PDLIM1: variants seen among roughly 807,000 people sequenced by gnomAD.
PDLIM1 encodes PDZ and LIM domain protein 1.
In PDLIM1, 25 loss-of-function variants were observed where a neutral mutation model predicts 35.2. The observed-to-expected ratio is 0.71, with a 90% CI of 0.52 to 0.99. The LOEUF (loss-of-function observed/expected upper bound fraction) is 0.99, where lower values mean the gene tolerates loss of function less well. PDLIM1 is among the 50% of genes least tolerant of loss of function. PDLIM1 has a pLI of 0.00. For synonymous variants in PDLIM1, 152 were observed against 154.0 expected (o/e 0.99, Z 0.10); for missense variants, 363 against 415.3 (o/e 0.87, Z 1.09).
At chr10:95,241,047 A>G (rs1564596772) in intron 5 of PDLIM1, among the ~76,000 whole-genome samples, 1 of 150,980 alleles carries the variant, frequency 6.6e-6, no homozygotes, top group Non-Finnish European at 1.5e-5. Flanking sequence ...ACCACTGGAC[A>G]AGAGCAAAGA....
chr10:95,287,277 T>G (rs1444087158), intron 1 of PDLIM1, among the ~76,000 whole-genome samples: 1 of 152,208 alleles, frequency 6.6e-6, no homozygotes, highest in Non-Finnish European at 1.5e-5. Flanking sequence ...CTTTTCATAA[T>G]CTGACAGACA....
In PDLIM1 at chr10:95,257,452, A is replaced by C. The variant is rs1005363302; in HGVS notation, c.533+6412T>G. Among the ~76,000 whole-genome samples, 17 of 152,050 alleles carry C rather than the reference A, an allele frequency of 1.1e-4. 1 individual carries two copies. The highest frequency in any genetic ancestry group is 1.1e-3 in the Admixed American group (16 of 15,232). ...TAATATCCAGAATATATAAAAAAAA[A>C]CTCCTACAACTCAACAAAAAACAAA... On this transcript the variant is annotated intron_variant, in intron 4 of 6. Transcript: ENST00000329399.
intron 1 of PDLIM1, among the ~76,000 whole-genome samples, chr10:95,275,192 C>G (rs1415460075): frequency 6.6e-6 from 1 of 152,196 alleles, no homozygotes; most frequent in Non-Finnish European, 1.5e-5. Context: ...GTTTTCCACA[C>G]CCCTGTGATG....
chr10:95,245,212 G>A (rs2035209599), intron 5 of PDLIM1, among the ~76,000 whole-genome samples: 1 of 152,162 alleles, frequency 6.6e-6, no homozygotes, highest in Non-Finnish European at 1.5e-5. Flanking sequence ...CAATAAAATG[G>A]AAGAGTAGTG....
chr10:95,281,846 A>G (rs982208422), intron 1 of PDLIM1, among the ~76,000 whole-genome samples: 3 of 152,178 alleles, frequency 2.0e-5, no homozygotes, highest in Admixed American at 6.5e-5. Context: ...CGTGGGTCCT[A>G]TTTTCCCTTG....
intron 2 of PDLIM1, 39 bp downstream of exon 2, chr10:95,271,594 G>A: frequency 6.4e-7 from 1 of 1,556,224 alleles, no homozygotes; most frequent in Non-Finnish European, 8.7e-7. Flanking sequence ...ACAGCTTCTA[G>A]TCAATCAGAA....
Position 95,238,624 on chromosome 10 carries a change from C to A in PDLIM1, c.747G>T (p.Ala249=), listed in dbSNP as rs201069556. Residue 249 remains alanine (A), a synonymous_variant, in exon 6 of 7, where the codon GCG becomes GCT. Coordinates refer to ENST00000329399, the MANE Select transcript of PDLIM1 (RefSeq NM_020992.4). The part of the protein sequence containing the change: ...SVKAPVTKVA[A]SIGNAQKLPM... ...GCAACTTCTGAGCATTTCCAATCGA[C>A]GCAGCCACTTTAGTGACAGGAGCTT... 2 of 1,614,136 alleles carry A rather than the reference C, an allele frequency of 1.2e-6. No homozygotes were observed. The highest frequency in any genetic ancestry group is 1.7e-6 in the Non-Finnish European group (2 of 1,179,976).
intron 5 of PDLIM1, among the ~76,000 whole-genome samples, chr10:95,240,156 T>C (rs974586087): frequency 7.2e-5 from 11 of 152,178 alleles, no homozygotes; most frequent in African/African-American, 9.7e-5. Flanking sequence ...CAAAGGAATA[T>C]AAATCATTCT....
intron 4 of PDLIM1, among the ~76,000 whole-genome samples, chr10:95,250,640 G>C (rs1211615108): frequency 6.6e-6 from 1 of 152,172 alleles, no homozygotes; most frequent in Non-Finnish European, 1.5e-5. Context: ...ATATTACAGT[G>C]ATATGGCTTC....
chr10:95,241,498 G>A (rs2133408461), intron 5 of PDLIM1, among the ~76,000 whole-genome samples: 1 of 152,292 alleles, frequency 6.6e-6, no homozygotes, highest in South Asian at 2.1e-4. Context: ...TTGTCACAGT[G>A]AAAGGGGATG....
At chr10:95,286,064 C>CT (rs2035599432) in intron 1 of PDLIM1, among the ~76,000 whole-genome samples, 1 of 152,142 alleles carries the variant, frequency 6.6e-6, no homozygotes, top group South Asian at 2.1e-4. Context: ...CTAGGACACT[C>CT]TAACAATAAA....
At chr10:95,253,942 T>C (rs780940130) in intron 4 of PDLIM1, among the ~76,000 whole-genome samples, 5 of 152,072 alleles carry the variant, frequency 3.3e-5, no homozygotes, top group Non-Finnish European at 7.3e-5. Flanking sequence ...AAGTTATATA[T>C]ACACAATGTA....
intron 1 of PDLIM1, among the ~76,000 whole-genome samples, chr10:95,281,305 G>A (rs1487578250): frequency 6.6e-6 from 1 of 151,864 alleles, no homozygotes; most frequent in Non-Finnish European, 1.5e-5. Flanking sequence ...AGGCCAGGCA[G>A]GGATGGCTCA....
At chr10:95,265,205 C>T (rs2035402404) in intron 3 of PDLIM1, among the ~76,000 whole-genome samples, 1 of 140,420 alleles carries the variant, frequency 7.1e-6, no homozygotes, top group Non-Finnish European at 1.5e-5. Context: ...GTCTTTTATG[C>T]TTTCTTAAAA....
At chr10:95,285,616 C>T (rs1180918556) in intron 1 of PDLIM1, among the ~76,000 whole-genome samples, 5 of 152,056 alleles carry the variant, frequency 3.3e-5, no homozygotes, top group Admixed American at 3.3e-4. Flanking sequence ...AGAGCAGGCA[C>T]TCAAAAAATG....
At chr10:95,263,387 A>G (rs1489512440) in intron 4 of PDLIM1, among the ~76,000 whole-genome samples, 1 of 152,130 alleles carries the variant, frequency 6.6e-6, no homozygotes, top group Admixed American at 6.5e-5. Context: ...CTAGGGAAAA[A>G]GCAAACACTG....
chr10:95,269,227 T>C (rs1273665076), intron 2 of PDLIM1, among the ~76,000 whole-genome samples: 2 of 152,184 alleles, frequency 1.3e-5, no homozygotes, highest in Non-Finnish European at 2.9e-5. Flanking sequence ...GTGTGTTTGG[T>C]CCAGACCAAA....
At position 95,266,974 on chromosome 10, in the gene PDLIM1, T is replaced by C. The variant is rs1564603202; in HGVS notation, c.333+1804A>G. 2.6e-5 allele frequency among the ~76,000 whole-genome samples: 4 copies of C among 152,296 alleles called. No homozygotes were observed. In the South Asian group the frequency reaches 8.3e-4, roughly 32 times the overall value. On this transcript the variant is annotated intron_variant, in intron 3 of 6. Transcript: ENST00000329399. ...GACCTCAGATAAGCTGGGGTGTTGG[T>C]TGGCATTACATGAACCAACAGATCT... is the stretch of plus-strand genomic sequence containing the variant.
chr10:95,268,571 C>T (rs2035434435), intron 3 of PDLIM1, among the ~76,000 whole-genome samples: 1 of 152,234 alleles, frequency 6.6e-6, no homozygotes, highest in African/African-American at 2.4e-5. Context: ...GCCCAGGACA[C>T]AGCGTCACTG....
Sources: gnomAD v4.1 joint callset for allele counts (sites outside exome capture counted in the v4.1 genomes callset) on GRCh38, gnomAD v4.1.1 for gene constraint, MANE v1.5 for transcripts, NCBI Gene and HGNC (gene_info 2026-07-23, HGNC 2026-07-21) for gene names.